Variants in RP1 observed in about 807,000 individuals in gnomAD.
The protein encoded by RP1 is oxygen-regulated protein 1.
In RP1, 16 loss-of-function variants were observed where a neutral mutation model predicts 14.8. The ratio of observed to expected loss-of-function variants is 1.08; its 90% CI spans 0.73 to 1.65. The LOEUF (loss-of-function observed/expected upper bound fraction) is 1.65. Ranked by LOEUF, RP1 falls within the 40% of genes most tolerant of loss-of-function variation. The pLI, the probability that RP1 is intolerant of heterozygous loss-of-function variation, is 0.00. For missense variants in RP1, 2,631 were observed against 2,535.0 expected, an observed-to-expected ratio of 1.04 and a Z score of -0.81; for synonymous variants, 876 against 883.6, an observed-to-expected ratio of 0.99 and a Z score of 0.15.
At chr8:54,584,835 T>A (rs566915060) in intron 1 of RP1, among the ~76,000 whole-genome samples, 1 of 152,330 alleles carries the variant, frequency 6.6e-6, no homozygotes, top group East Asian at 1.9e-4. Flanking sequence ...CTGCCTTTTT[T>A]GGTTTTCCAT....
intron 24 of RP1, among the ~76,000 whole-genome samples, chr8:54,789,351 C>T (rs889325738): frequency 3.9e-5 from 6 of 152,186 alleles, no homozygotes; most frequent in African/African-American, 1.4e-4. Context: ...GCCTAACTTA[C>T]AGCCCTGCCT....
rs1299206446 is a variant in RP1 at position 54,630,294 on chromosome 8, G to T, written c.6412G>T (p.Glu2138Ter). 2 of 1,613,592 alleles carry T rather than the reference G, an allele frequency of 1.2e-6. No homozygotes were observed. Among genetic ancestry groups the T allele is most frequent in the Admixed American group, 1.7e-5 (1 of 59,992 alleles). The change falls in exon 4 of 4, where the codon GAG (glutamate) becomes TAG (stop). Residue 2138 changes from glutamate to a stop codon, truncating the protein, a stop_gained. Coordinates refer to ENST00000220676, the MANE Select transcript of RP1 (RefSeq NM_006269.2). LOFTEE classifies it low-confidence loss of function (END_TRUNC). ...FEGENLFIWE[E>*]EDILNLTDLE... The stretch of plus-strand genomic sequence containing the variant: ...GGGTGAAAATCTTTTCATTTGGGAA[G>T]AGGAAGACATATTAAATTTAACTGA...
intron 12 of RP1, among the ~76,000 whole-genome samples, chr8:54,694,367 T>C (rs1178800635): frequency 6.6e-6 from 1 of 152,218 alleles, no homozygotes; most frequent in African/African-American, 2.4e-5. Flanking sequence ...TCTTTTTCTA[T>C]TGATTGGAAT....
chr8:54,826,464 A>G (rs1445216937), intron 24 of RP1, among the ~76,000 whole-genome samples: 3 of 152,204 alleles, frequency 2.0e-5, no homozygotes, highest in Non-Finnish European at 2.9e-5. Context: ...TCTTTGTTCC[A>G]TGATATTTCT....
At position 54,701,790 on chromosome 8, in the gene RP1, C is replaced by G. The variant is rs539354771; in HGVS notation, c.1998+128C>G. 3 of 807,136 alleles carry G rather than the reference C, an allele frequency of 3.7e-6. No individual in the cohort carries two copies. In the African/African-American group the frequency reaches 5.2e-5, roughly 14 times the overall value. 50.0% of individuals were successfully genotyped at this position (807,136 alleles called of 1,614,324 possible). ...CACTTCCCACTAGGTGGCATTGGTG[C>G]CTATTTCCATTCTGTTTGGCAGACT... On this transcript the variant is annotated intron_variant, in intron 14 of 22. Coordinates refer to the RP1 transcript ENST00000636932.
At chr8:54,735,553 C>T (rs1808898584) in intron 18 of RP1, among the ~76,000 whole-genome samples, 1 of 152,138 alleles carries the variant, frequency 6.6e-6, no homozygotes, top group Admixed American at 6.5e-5. Flanking sequence ...GAACCCAAGG[C>T]TATTTGGGGC....
At chr8:54,565,080 C>T (rs1233702854) in intron 1 of RP1, among the ~76,000 whole-genome samples, 1 of 152,122 alleles carries the variant, frequency 6.6e-6, no homozygotes, top group African/African-American at 2.4e-5. Flanking sequence ...CACAGCTTCT[C>T]AGAGAGAAGG....
intron 12 of RP1, among the ~76,000 whole-genome samples, chr8:54,691,140 C>A (rs1234190342): frequency 6.6e-6 from 1 of 151,902 alleles, no homozygotes; most frequent in African/African-American, 2.4e-5. Context: ...AGATTTGAGG[C>A]ATATGGAGGA....
chr8:54,821,631 GAA>G (rs1052297341), intron 24 of RP1, among the ~76,000 whole-genome samples: 2 of 152,022 alleles, frequency 1.3e-5, no homozygotes, highest in Non-Finnish European at 2.9e-5. Context: ...AGTGGTTGCT[GAA>G]GTCTCACACT....
chr8:54,714,781 A>C (rs1808363540), intron 15 of RP1, among the ~76,000 whole-genome samples: 1 of 152,232 alleles, frequency 6.6e-6, no homozygotes, highest in Admixed American at 6.5e-5. Flanking sequence ...GGCAGCTGGC[A>C]AGATGAACTT....
intron 26 of RP1, among the ~76,000 whole-genome samples, chr8:54,855,898 A>G (rs1412620042): frequency 6.6e-6 from 1 of 151,194 alleles, no homozygotes; most frequent in Non-Finnish European, 1.5e-5. Context: ...CGGAGTGCAT[A>G]TTAGTATAAG....
At chr8:54,834,192 C>T (rs1406791303) in intron 24 of RP1, among the ~76,000 whole-genome samples, 6 of 151,668 alleles carry the variant, frequency 4.0e-5, no homozygotes. Context: ...TTTAAGGTAC[C>T]CAGAATTATT....
At chr8:54,699,142 T>C (rs140438422) in intron 12 of RP1, among the ~76,000 whole-genome samples, 3,044 of 150,908 alleles carry the variant, frequency 0.02, 42 homozygotes, top group South Asian at 0.041. Flanking sequence ...ATTAGTATAT[T>C]GTATATGTAT....
chr8:54,843,585 A>T (rs1811841144), intron 25 of RP1, among the ~76,000 whole-genome samples: 1 of 152,122 alleles, frequency 6.6e-6, no homozygotes, highest in Non-Finnish European at 1.5e-5. Context: ...TATCAATGTG[A>T]TCTCACCACA....
At chr8:54,792,938 G>A (rs886627444) in intron 24 of RP1, among the ~76,000 whole-genome samples, 2 of 151,632 alleles carry the variant, frequency 1.3e-5, no homozygotes, top group African/African-American at 4.8e-5. Flanking sequence ...TAAGCCTCTA[G>A]CTAGACTAAT....
intron 3 of RP1, among the ~76,000 whole-genome samples, chr8:54,645,110 A>T (rs1315043611): frequency 6.6e-6 from 1 of 152,164 alleles, no homozygotes; most frequent in Non-Finnish European, 1.5e-5. Flanking sequence ...ATCTTTTTTG[A>T]AGACAGAATT....
chr8:54,581,112 T>G (rs1054473855), intron 1 of RP1, among the ~76,000 whole-genome samples: 1 of 152,110 alleles, frequency 6.6e-6, no homozygotes, highest in Non-Finnish European at 1.5e-5. Context: ...CCATTAACTC[T>G]TCATTTAGCA....
intron 12 of RP1, chr8:54,696,599 C>T (rs1052703342): frequency 1.3e-5 from 10 of 741,896 alleles, no homozygotes; most frequent in African/African-American, 5.3e-5. Flanking sequence ...TGACAAAGTA[C>T]GTCTCAGATG....
At chr8:54,719,777 A>G (rs1171371896) in intron 15 of RP1, among the ~76,000 whole-genome samples, 1 of 152,216 alleles carries the variant, frequency 6.6e-6, no homozygotes, top group Non-Finnish European at 1.5e-5. Context: ...ACCATTTTAG[A>G]GTATTTTCTA....
Sources: gnomAD v4.1 joint callset for allele counts (sites outside exome capture counted in the v4.1 genomes callset) on GRCh38, gnomAD v4.1.1 for gene constraint, MANE v1.5 for transcripts, NCBI Gene and HGNC (gene_info 2026-07-23, HGNC 2026-07-21) for gene names.